The following MECOM variants were observed in gnomAD, a reference collection of about 807,000 sequenced individuals.
MECOM encodes histone-lysine N-methyltransferase MECOM.
Under a neutral mutation model 116.3 loss-of-function variants are expected in MECOM, and 13 were observed. The observed-to-expected ratio is 0.11, with a 90% CI of 0.07 to 0.18. The LOEUF is 0.18. Among genes scored for constraint, MECOM ranks in the 10% least tolerant of loss-of-function variants. The pLI, the probability that MECOM is intolerant of heterozygous loss-of-function variation, is 1.00. For missense variants in MECOM, 1,299 were observed against 1,509.0 expected, an observed-to-expected ratio of 0.86 and a Z score of 2.31; for synonymous variants, 528 against 535.2, an observed-to-expected ratio of 0.99 and a Z score of 0.19.
intron 2 of MECOM, among the ~76,000 whole-genome samples, chr3:169,274,611 A>C (rs1008702763): frequency 1.3e-5 from 2 of 152,198 alleles, no homozygotes; most frequent in Admixed American, 6.5e-5. Flanking sequence ...TACAATATAA[A>C]TGTTGAAGTT....
intron 1 of MECOM, among the ~76,000 whole-genome samples, chr3:169,454,167 G>T (rs1242634017): frequency 6.6e-6 from 1 of 152,062 alleles, no homozygotes; most frequent in East Asian, 1.9e-4. Context: ...TAATTAAAGG[G>T]CTTGTGCATC....
intron 1 of MECOM, among the ~76,000 whole-genome samples, chr3:169,448,114 G>T (rs1212005052): frequency 6.6e-6 from 1 of 152,088 alleles, no homozygotes; most frequent in Non-Finnish European, 1.5e-5. Flanking sequence ...CAATGGTGAG[G>T]TGATCTTTAG....
intron 2 of MECOM, among the ~76,000 whole-genome samples, chr3:169,322,752 C>T (rs11920580): frequency 0.049 from 7,396 of 151,950 alleles, 592 homozygotes; most frequent in African/African-American, 0.17. Context: ...AATCCCAGAA[C>T]TTTGGGAGGC....
intron 2 of MECOM, among the ~76,000 whole-genome samples, chr3:169,278,458 C>A (rs1168575842): frequency 1.3e-5 from 2 of 152,162 alleles, no homozygotes; most frequent in African/African-American, 4.8e-5. Flanking sequence ...CAAATGAATG[C>A]AGTAAAAACT....
At chr3:169,123,222 T>G (rs1309909422) in intron 5 of MECOM, among the ~76,000 whole-genome samples, 1 of 151,640 alleles carries the variant, frequency 6.6e-6, no homozygotes, top group African/African-American at 2.4e-5. Flanking sequence ...AAAAGTATTC[T>G]GTCTAATGTA....
chr3:169,566,762 C>G (rs1474082898), intron 1 of MECOM, among the ~76,000 whole-genome samples: 1 of 152,190 alleles, frequency 6.6e-6, no homozygotes, highest in Admixed American at 6.5e-5. Context: ...GTTACTTGAA[C>G]TTCTACTTCC....
rs933952981 is a variant in MECOM at position 169,327,294 on chromosome 3, A to G, written c.375+53893T>C. Among the ~76,000 whole-genome samples, 7 of 152,242 alleles carry G rather than the reference A, an allele frequency of 4.6e-5. 1 individual carries two copies. The highest frequency in any genetic ancestry group is 4.6e-4 in the Admixed American group (7 of 15,294). ...TTTGGGAACATAATGAAAATTATGTATCTTTTAGCCAAATGGATGATATTT... is the reference window on the plus strand; with the variant it reads ...TTTGGGAACATAATGAAAATTATGTGTCTTTTAGCCAAATGGATGATATTT... On this transcript the variant is annotated intron_variant, in intron 2 of 16. Transcript: ENST00000651503.
chr3:169,166,402 C>T (rs954538111), intron 2 of MECOM, among the ~76,000 whole-genome samples: 6 of 152,208 alleles, frequency 3.9e-5, no homozygotes, highest in Admixed American at 2.0e-4. Context: ...ACTCTTTTAA[C>T]GTCACTCCGA....
At chr3:169,585,282 A>C (rs6777123) in intron 1 of MECOM, among the ~76,000 whole-genome samples, 89,805 of 152,044 alleles carry the variant, frequency 0.59, 26,807 homozygotes, top group South Asian at 0.67. Context: ...AGTTTAATGC[A>C]GGGGAATGGG....
rs953323852 is a variant in MECOM at position 169,622,251 on chromosome 3, G to T, written c.37+41085C>A. Among the ~76,000 whole-genome samples, 4 of 152,058 alleles carry T rather than the reference G, an allele frequency of 2.6e-5. No individual in the cohort carries two copies. In the East Asian group the frequency reaches 7.7e-4, roughly 29 times the overall value. ...ATTACAGGCACCCGCCACCATGCCC[G>T]GCTAATTTTTTTGTATTTTTAGTAG... On this transcript the variant is annotated intron_variant, in intron 1 of 16. Coordinates refer to ENST00000651503, the MANE Select transcript of MECOM (RefSeq NM_004991.4).
intron 2 of MECOM, among the ~76,000 whole-genome samples, chr3:169,337,297 G>C (rs183138356): frequency 9.9e-5 from 15 of 152,112 alleles, no homozygotes; most frequent in Admixed American, 9.2e-4. Context: ...TGCTACTGTA[G>C]GACATTTCTA....
At chr3:169,228,826 C>G (rs1269634114) in intron 2 of MECOM, among the ~76,000 whole-genome samples, 1 of 152,132 alleles carries the variant, frequency 6.6e-6, no homozygotes, top group Admixed American at 6.6e-5. Flanking sequence ...ATACAATAGT[C>G]TGCAGTTTTA....
chr3:169,401,299 A>T (rs1044687491), intron 1 of MECOM, among the ~76,000 whole-genome samples: 3 of 152,172 alleles, frequency 2.0e-5, no homozygotes, highest in African/African-American at 7.2e-5. Context: ...ACCTGCTGTC[A>T]TACCTGAAAT....
At chr3:169,247,011 GA>G (rs1165238080) in intron 2 of MECOM, among the ~76,000 whole-genome samples, 5 of 152,058 alleles carry the variant, frequency 3.3e-5, no homozygotes, top group Non-Finnish European at 7.4e-5. Flanking sequence ...TATTTAAAGA[GA>G]TTTTTTTAAG....
chr3:169,244,577 A>C (rs933974865), intron 2 of MECOM, among the ~76,000 whole-genome samples: 1 of 152,218 alleles, frequency 6.6e-6, no homozygotes, highest in African/African-American at 2.4e-5. Flanking sequence ...GTCCATGTGA[A>C]CAGCCCAGAC....
intron 1 of MECOM, among the ~76,000 whole-genome samples, chr3:169,398,498 A>G (rs1256075575): frequency 6.6e-6 from 1 of 152,234 alleles, no homozygotes; most frequent in Non-Finnish European, 1.5e-5. Context: ...GGAGGGTTAG[A>G]GTTCTTCAAC....
chr3:169,599,204 A>G (rs2109722845), intron 1 of MECOM, among the ~76,000 whole-genome samples: 1 of 152,330 alleles, frequency 6.6e-6, no homozygotes, highest in Non-Finnish European at 1.5e-5. Flanking sequence ...AACGTGAGCC[A>G]CAGTTTAAAG....
At chr3:169,338,842 G>A (rs367911429) in intron 2 of MECOM, among the ~76,000 whole-genome samples, 3 of 151,910 alleles carry the variant, frequency 2.0e-5, no homozygotes, top group East Asian at 1.9e-4. Flanking sequence ...GCTGTTTATC[G>A]TTACTCATAG....
chr3:169,636,990 C>T (rs922717586), intron 1 of MECOM, among the ~76,000 whole-genome samples: 3 of 152,084 alleles, frequency 2.0e-5, no homozygotes, highest in Non-Finnish European at 2.9e-5. Flanking sequence ...GTAGTCTCCT[C>T]TTCTCAAATC....
Sources: allele counts gnomAD v4.1 joint callset (sites outside exome capture counted in the v4.1 genomes callset), GRCh38; gene constraint gnomAD v4.1.1; transcripts MANE v1.5; gene names NCBI Gene and HGNC (gene_info 2026-07-23, HGNC 2026-07-21).